RASGEF1C: variants seen among roughly 807,000 people sequenced by gnomAD.
The protein encoded by RASGEF1C is ras-GEF domain-containing family member 1C.
A neutral mutation model predicts 58.1 loss-of-function variants in RASGEF1C; 27 were observed. The observed-to-expected ratio is 0.46, with a 90% CI of 0.34 to 0.64. The LOEUF is 0.64. Ranked by LOEUF, RASGEF1C falls within the 30% of genes least tolerant of loss-of-function variation. The probability of loss-of-function intolerance (pLI) is 0.01; values close to 1 mark genes in which losing one functional copy is unlikely to be tolerated. For synonymous variants in RASGEF1C, 243 were observed against 246.3 expected, an observed-to-expected ratio of 0.99 and a Z score of 0.13; for missense variants, 502 against 605.1, an observed-to-expected ratio of 0.83 and a Z score of 1.79.
chr5:180,173,496 T>C (rs1767146594), intron 1 of RASGEF1C, among the ~76,000 whole-genome samples: 2 of 152,224 alleles, frequency 1.3e-5, no homozygotes, highest in Non-Finnish European at 2.9e-5. Flanking sequence ...CCTGGGGCCA[T>C]TTCCTTCTAG....
chr5:180,201,775 A>G (rs1350582766), intron 1 of RASGEF1C, among the ~76,000 whole-genome samples: 1 of 152,206 alleles, frequency 6.6e-6, no homozygotes, highest in Non-Finnish European at 1.5e-5. Flanking sequence ...AGCCCTCATC[A>G]ATGAGATTAG....
At chr5:180,174,540 G>A (rs929198773) in intron 1 of RASGEF1C, among the ~76,000 whole-genome samples, 1 of 126,092 alleles carries the variant, frequency 7.9e-6, no homozygotes, top group Non-Finnish European at 1.7e-5. Context: ...CTCTGTGTGT[G>A]CGTGTGTGCG....
In RASGEF1C at chr5:180,173,735, A is replaced by G. The variant is rs948216992; in HGVS notation, c.-7+35293T>C. Among the ~76,000 whole-genome samples, 6 of 152,156 alleles carry G rather than the reference A, an allele frequency of 3.9e-5. No homozygotes were observed. The East Asian group carries it at 1.2e-3, about 29-fold the overall frequency. ...TGAGACCAGCCTGGCCAACATGGTG[A>G]AACCCCGTCTCTACTAAAAATACAG... is the stretch of plus-strand genomic sequence containing the variant. On this transcript the variant is annotated intron_variant, in intron 1 of 13. Transcript: ENST00000361132.
intron 1 of RASGEF1C, among the ~76,000 whole-genome samples, chr5:180,170,364 C>A (rs1467730139): frequency 6.6e-6 from 1 of 152,228 alleles, no homozygotes; most frequent in Non-Finnish European, 1.5e-5. Flanking sequence ...AGGGAGAAAA[C>A]AAGCGTCCTA....
intron 4 of RASGEF1C, among the ~76,000 whole-genome samples, chr5:180,133,445 G>T (rs1375379029): frequency 1.3e-5 from 2 of 152,122 alleles, no homozygotes; most frequent in Non-Finnish European, 2.9e-5. Context: ...ACAGCCCTGT[G>T]AGGGAAGAAT....
chr5:180,203,866 G>GGTT (rs1561760819), intron 1 of RASGEF1C, among the ~76,000 whole-genome samples: 3 of 152,122 alleles, frequency 2.0e-5, no homozygotes, highest in African/African-American at 7.2e-5. Context: ...GGTGGTGCAC[G>GGTT]CCTGTAATCC....
At chr5:180,193,047 G>GTTTTT (rs752384336) in intron 1 of RASGEF1C, among the ~76,000 whole-genome samples, 7 of 72,566 alleles carry the variant, frequency 9.6e-5, no homozygotes, top group African/African-American at 1.1e-4. Flanking sequence ...CGCCCGGCCA[G>GTTTTT]TTTTTTTTGT....
At chr5:180,195,729 C>A (rs1756261978) in intron 1 of RASGEF1C, among the ~76,000 whole-genome samples, 2 of 151,508 alleles carry the variant, frequency 1.3e-5, no homozygotes, top group African/African-American at 4.9e-5. Flanking sequence ...ACCACTACTG[C>A]ACTCCAGCCT....
At chr5:180,190,334 C>A (rs1276525678) in intron 1 of RASGEF1C, among the ~76,000 whole-genome samples, 3 of 151,498 alleles carry the variant, frequency 2.0e-5, no homozygotes, top group Non-Finnish European at 4.4e-5. Flanking sequence ...AAAAACAAAA[C>A]AAAAAATTAG....
chr5:180,165,667 T>C (rs1276588354), intron 1 of RASGEF1C, among the ~76,000 whole-genome samples: 2 of 89,362 alleles, frequency 2.2e-5, no homozygotes, highest in African/African-American at 7.0e-5. Context: ...CGAAACTCTG[T>C]CTCAAAAAAA....
chr5:180,190,150 T>C (rs1756120929), intron 1 of RASGEF1C, among the ~76,000 whole-genome samples: 1 of 151,026 alleles, frequency 6.6e-6, no homozygotes, highest in African/African-American at 2.4e-5. Context: ...AGGCCAGGAG[T>C]TGGAGGCCAA....
intron 4 of RASGEF1C, among the ~76,000 whole-genome samples, chr5:180,129,091 G>A (rs902178868): frequency 2.0e-5 from 3 of 152,346 alleles, no homozygotes; most frequent in African/African-American, 4.8e-5. Context: ...CTGTTGTCTG[G>A]GAGAGAGACA....
rs191076360 is a variant in RASGEF1C, at chr5:180,166,757, C to G, written c.-6-28699G>C. Reference sequence around the variant, plus strand: ...TCTCAAACTCCTCACCTCAGATGATCCACCCGCCTCGGCCTCCCAAAGTGC... The same window carrying G: ...TCTCAAACTCCTCACCTCAGATGATGCACCCGCCTCGGCCTCCCAAAGTGC... On this transcript the variant is annotated intron_variant, in intron 1 of 13. Coordinates refer to ENST00000361132, the MANE Select transcript of RASGEF1C (RefSeq NM_175062.4). Among the ~76,000 whole-genome samples the G allele has an allele frequency of 3.3e-5, 5 of 152,186 alleles. No individual in the cohort carries two copies. The East Asian group carries it at 9.6e-4, about 29-fold the overall frequency.
intron 1 of RASGEF1C, among the ~76,000 whole-genome samples, chr5:180,207,816 A>G (rs1294756216): frequency 6.6e-6 from 1 of 151,982 alleles, no homozygotes; most frequent in East Asian, 1.9e-4. Flanking sequence ...CTACCCGTCC[A>G]TCACAGGCTG....
In RASGEF1C at chr5:180,101,190, G is replaced by T; in HGVS notation, c.*311C>A. On this transcript the variant is annotated 3_prime_UTR_variant, in exon 14 of 14. Transcript: ENST00000361132. ...GAGCTTGCAGTGGTCCCACCCTCTG[G>T]GGCAGTGTTGTGTCCTTGCCGAGGA... 4.6e-6 allele frequency: 2 copies of T among 435,346 alleles called. No individual in the cohort carries two copies. Among genetic ancestry groups the T allele is most frequent in the Non-Finnish European group, 8.3e-6 (2 of 240,636 alleles). The allele number at this position is 435,346 out of a possible 1,614,324, so 27.0% of individuals were successfully genotyped here.
rs1428698002 is a variant in RASGEF1C, at chr5:180,143,957, C to T, written c.-6-5899G>A. 2.0e-5 allele frequency among the ~76,000 whole-genome samples: 3 copies of T among 152,278 alleles called. No homozygotes were observed. Among genetic ancestry groups the T allele is most frequent in the Admixed American group, 6.5e-5 (1 of 15,306 alleles). ...AAGGGACAGAGGTAAAGAAGGCTCC[C>T]GAAGGCCCCTGTGAGGACCACGCGC... On this transcript the variant is annotated intron_variant, in intron 1 of 13. Transcript: ENST00000361132. This position sits in a 1 kb window ranked among gnomAD's most constrained non-coding sequence, Gnocchi z 4.3.
Position 180,156,801 on chromosome 5 carries a change from A to G in RASGEF1C, c.-6-18743T>C, listed in dbSNP as rs1488892485. 6.6e-6 allele frequency among the ~76,000 whole-genome samples: 1 copy of G among 152,184 alleles called. No individual in the cohort carries two copies. The highest frequency in any genetic ancestry group is 2.4e-5 in the African/African-American group (1 of 41,468). ...AAAAAGTAAATAAAATAAAACATAC[A>G]AAGAAATCTTACAACTTAATAATAA... On this transcript the variant is annotated intron_variant, in intron 1 of 13. Coordinates refer to ENST00000361132, the MANE Select transcript of RASGEF1C (RefSeq NM_175062.4). This position sits in a 1 kb window ranked among gnomAD's most constrained non-coding sequence, Gnocchi z 4.9.
At chr5:180,206,677 C>A (rs1290460780) in intron 1 of RASGEF1C, among the ~76,000 whole-genome samples, 1 of 152,086 alleles carries the variant, frequency 6.6e-6, no homozygotes, top group Non-Finnish European at 1.5e-5. Context: ...TGGAAAAAAA[C>A]AAAATTGTTC....
intron 1 of RASGEF1C, among the ~76,000 whole-genome samples, chr5:180,173,321 C>T (rs1049352820): frequency 4.6e-5 from 7 of 152,144 alleles, no homozygotes; most frequent in South Asian, 2.1e-4. Flanking sequence ...TCACTGTCTC[C>T]GTCACCTGCT....
Sources: gnomAD v4.1 joint callset for allele counts (sites outside exome capture counted in the v4.1 genomes callset) on GRCh38, gnomAD v4.1.1 for gene constraint, Gnocchi (gnomAD v3.1) non-coding constraint, MANE v1.5 for transcripts, NCBI Gene and HGNC (gene_info 2026-07-23, HGNC 2026-07-21) for gene names.